The following LY6G6D variants were observed in gnomAD, a reference collection of about 807,000 sequenced individuals.
LY6G6D encodes the protein lymphocyte antigen 6 complex locus protein G6d.
Under a neutral mutation model 8.5 loss-of-function variants are expected in LY6G6D, and 5 were observed. That is an observed-to-expected ratio of 0.59 (90% CI 0.31 to 1.24). The LOEUF is 1.24. Ranked by LOEUF, LY6G6D falls within the 50% of genes most tolerant of loss-of-function variation. The probability of loss-of-function intolerance (pLI) is 0.07; values close to 1 mark genes in which losing one functional copy is unlikely to be tolerated. For synonymous variants in LY6G6D, 65 were observed against 69.6 expected (o/e 0.93, Z 0.33); for missense variants, 154 against 170.4 (o/e 0.90, Z 0.53).
In LY6G6D at chr6:31,717,123, G is replaced by T. The variant is rs191762699; in HGVS notation, c.179-458G>T. On this transcript the variant is annotated intron_variant, in intron 2 of 2. Coordinates refer to ENST00000375825, the MANE Select transcript of LY6G6D (RefSeq NM_021246.4). This position sits in a 1 kb window ranked among gnomAD's most constrained non-coding sequence, Gnocchi z 5.0. Reference sequence around the variant, plus strand: ...AAATTAGCCGGGTGTAGTGGTGCCCGCCTGTAATACCAGCTACTCGGGAAC... The same window carrying T: ...AAATTAGCCGGGTGTAGTGGTGCCCTCCTGTAATACCAGCTACTCGGGAAC... 1.3e-5 allele frequency among the ~76,000 whole-genome samples: 2 copies of T among 151,782 alleles called. No homozygotes were observed. Among genetic ancestry groups the T allele is most frequent in the African/African-American group, 2.4e-5 (1 of 41,366 alleles).
rs1460248502 is a variant in LY6G6D, at chr6:31,716,557, G to A, written c.178+933G>A. On this transcript the variant is annotated intron_variant, in intron 2 of 2. Transcript: ENST00000375825. This position sits in a 1 kb window ranked among gnomAD's most constrained non-coding sequence, Gnocchi z 5.1. ...GAGCCTGGGAGATTGAAGCTACAAT[G>A]AGCCATGATCACGCCACTACACTCC... is the stretch of plus-strand genomic sequence containing the variant. Among the ~76,000 whole-genome samples, 1 of 152,088 alleles carries A rather than the reference G, an allele frequency of 6.6e-6. No homozygotes were observed. Among genetic ancestry groups the A allele is most frequent in the Admixed American group, 6.6e-5 (1 of 15,260 alleles).
Position 31,717,607 on chromosome 6 carries a change from C to A in LY6G6D, c.205C>A (p.Pro69Thr). Reference protein sequence around the residue: ...NPPVTLIHQHPACVAAHHCNQ... With the variant: ...NPPVTLIHQHTACVAAHHCNQ... ...CCCAGTGACCTTGATTCACCAACAT[C>A]CAGCCTGCGTCGCAGCCCATCATTG... is the stretch of plus-strand genomic sequence containing the variant. Residue 69 changes from proline (P) to threonine (T), a missense_variant, in exon 3 of 3, where the codon CCA becomes ACA. By Grantham distance (38) the Pro-to-Thr change is conservative. Coordinates refer to ENST00000375825, the MANE Select transcript of LY6G6D (RefSeq NM_021246.4). This position sits in a 1 kb window ranked among gnomAD's most constrained non-coding sequence, Gnocchi z 5.0. 6.2e-7 allele frequency: 1 copy of A among 1,614,208 alleles called. No individual in the cohort carries two copies. The highest frequency in any genetic ancestry group is 8.5e-7 in the Non-Finnish European group (1 of 1,180,036).
In LY6G6D at chr6:31,717,742, G is replaced by T. The variant is rs1412949189; in HGVS notation, c.340G>T (p.Gly114Cys). 20 of 1,614,050 alleles carry T rather than the reference G, an allele frequency of 1.2e-5. No individual in the cohort carries two copies. The highest frequency in any genetic ancestry group is 1.6e-5 in the Non-Finnish European group (19 of 1,180,062). The change falls in exon 3 of 3, where the codon GGC (glycine) becomes TGC (cysteine). Residue 114 changes from glycine to cysteine, a missense_variant. Gly to Cys is a radical substitution (Grantham distance 159). Coordinates refer to ENST00000375825, the MANE Select transcript of LY6G6D (RefSeq NM_021246.4). The surrounding 1 kb of genome is among the most constrained non-coding windows in gnomAD (Gnocchi z 5.0). The stretch of plus-strand genomic sequence containing the variant: ...CGTGGCAAGCCATGTGGCCCCTGCA[G>T]GCATTTTGGCTGCAGCAGCTACCGC... ...SAVASHVAPA[G>C]ILAAAATALT...
intron 2 of LY6G6D, 96 bp downstream of exon 2, chr6:31,715,720 G>T: frequency 6.6e-7 from 1 of 1,525,940 alleles, no homozygotes. Flanking sequence ...GCTCAGTCTG[G>T]CTCTGGGCAG....
In LY6G6D at chr6:31,717,766, G is replaced by A. The variant is rs371269636; in HGVS notation, c.364G>A (p.Ala122Thr). The part of the protein sequence containing the change: ...PAGILAAAAT[A>T]LTCLLPGLWS... The stretch of plus-strand genomic sequence containing the variant: ...AGGCATTTTGGCTGCAGCAGCTACC[G>A]CCCTGACCTGTCTCTTGCCAGGACT... Residue 122 changes from alanine to threonine, a missense_variant, in exon 3 of 3, where the codon GCC becomes ACC. Coordinates refer to ENST00000375825, the MANE Select transcript of LY6G6D (RefSeq NM_021246.4). This position sits in a 1 kb window ranked among gnomAD's most constrained non-coding sequence, Gnocchi z 5.0. 1.3e-5 allele frequency: 21 copies of A among 1,613,724 alleles called. 1 individual carries two copies. The Admixed American group carries it at 1.3e-4, about 10-fold the overall frequency.
chr6:31,715,750 AG>A, intron 2 of LY6G6D, 126 bp downstream of exon 2: 2 of 1,420,880 alleles, frequency 1.4e-6, no homozygotes, highest in Non-Finnish European at 1.9e-6. Context: ...CTGTTAGAGG[AG>A]AGCAGTCTGT....
rs367701474 is a variant in LY6G6D, at chr6:31,717,717, C to A, written c.315C>A (p.Ala105=). The part of the protein sequence containing the change: ...DCYLGDLCNS[A]VASHVAPAGI... Reference sequence around the variant, plus strand: ...ACCTGGGAGACCTGTGCAACAGCGCCGTGGCAAGCCATGTGGCCCCTGCAG... The same window carrying A: ...ACCTGGGAGACCTGTGCAACAGCGCAGTGGCAAGCCATGTGGCCCCTGCAG... Residue 105 remains alanine (A), a synonymous_variant, in exon 3 of 3, where the codon GCC becomes GCA. Coordinates refer to ENST00000375825, the MANE Select transcript of LY6G6D (RefSeq NM_021246.4). This position sits in a 1 kb window ranked among gnomAD's most constrained non-coding sequence, Gnocchi z 5.0. The A allele has an allele frequency of 3.1e-6, 5 of 1,614,198 alleles. No individual in the cohort carries two copies. Among genetic ancestry groups the A allele is most frequent in the South Asian group, 2.2e-5 (2 of 91,076 alleles).
chr6:31,717,893 A>G lies in LY6G6D; in HGVS notation c.*89A>G. 6.7e-7 allele frequency: 1 copy of G among 1,492,870 alleles called. No homozygotes were observed. The highest frequency in any genetic ancestry group is 8.9e-7 in the Non-Finnish European group (1 of 1,127,746). 92.5% of individuals were successfully genotyped at this position (1,492,870 alleles called of 1,614,324 possible). A position where few individuals can be genotyped will look rare whatever the true frequency, so the allele number is the denominator to read the frequency against. On this transcript the variant is annotated 3_prime_UTR_variant, in exon 3 of 3. Transcript: ENST00000375825. The surrounding 1 kb of genome is among the most constrained non-coding windows in gnomAD (Gnocchi z 5.0). ...GTGAGAAGAGAAACATCCTTCTGTG[A>G]GTCATTAAAATCTATGAACCACTCT...
At position 31,715,527 on chromosome 6, in the gene LY6G6D, T is replaced by C. The variant is rs1806360389; in HGVS notation, c.81T>C (p.Cys27=). ...ALGNRMRCYN[C]GGSPSSSCKE... ...GAAACCGAATGCGGTGCTACAACTGTGGTGGAAGCCCCAGCAGTTCTTGCA... is the reference window on the plus strand; with the variant it reads ...GAAACCGAATGCGGTGCTACAACTGCGGTGGAAGCCCCAGCAGTTCTTGCA... Residue 27 remains cysteine (C), a synonymous_variant, in exon 2 of 3, where the codon TGT becomes TGC. Coordinates refer to ENST00000375825, the MANE Select transcript of LY6G6D (RefSeq NM_021246.4). 5.0e-6 allele frequency: 8 copies of C among 1,612,928 alleles called. No homozygotes were observed. The highest frequency in any genetic ancestry group is 6.8e-6 in the Non-Finnish European group (8 of 1,179,972).
rs373933681 is a variant in LY6G6D, at chr6:31,716,500, C to T, written c.178+876C>T. On this transcript the variant is annotated intron_variant, in intron 2 of 2. Coordinates refer to ENST00000375825, the MANE Select transcript of LY6G6D (RefSeq NM_021246.4). This position sits in a 1 kb window ranked among gnomAD's most constrained non-coding sequence, Gnocchi z 5.1. ...TGGTGGCACATGCTTGTAGTCCTAG[C>T]TACTCAGGGGGCTGAAGAGGGAGGA... is the stretch of plus-strand genomic sequence containing the variant. Among the ~76,000 whole-genome samples the T allele has an allele frequency of 6.6e-6, 1 of 152,092 alleles. No individual in the cohort carries two copies. Among genetic ancestry groups the T allele is most frequent in the East Asian group, 1.9e-4 (1 of 5,196 alleles).
In LY6G6D at chr6:31,715,420, C is replaced by T. The variant is rs766131830; in HGVS notation, c.55+10C>T. ...CTAGGGGCTGCCTTGGGTAAGGAGG[C>T]GGCCAGCTAGCTTCTCACACAGGCC... On this transcript the variant is annotated intron_variant, in intron 1 of 2. Transcript: ENST00000375825. 2.5e-6 allele frequency: 4 copies of T among 1,604,796 alleles called. No homozygotes were observed. Among genetic ancestry groups the T allele is most frequent in the Non-Finnish European group, 3.4e-6 (4 of 1,174,360 alleles).
chr6:31,717,845 C>T lies in LY6G6D; in HGVS notation c.*41C>T, dbSNP rs777567767. On this transcript the variant is annotated 3_prime_UTR_variant, in exon 3 of 3. Coordinates refer to ENST00000375825, the MANE Select transcript of LY6G6D (RefSeq NM_021246.4). The surrounding 1 kb of genome is among the most constrained non-coding windows in gnomAD (Gnocchi z 5.0). ...AGAAGGGAACAAGGGAGCAAGGGAA[C>T]AAGGGACATCTGAACATCTAATGTG... 6.4e-7 allele frequency: 1 copy of T among 1,571,184 alleles called. No individual in the cohort carries two copies. Among genetic ancestry groups the T allele is most frequent in the Non-Finnish European group, 8.6e-7 (1 of 1,162,010 alleles).
At chr6:31,715,432 T>G (rs754610962) in intron 1 of LY6G6D, 22 bp downstream of exon 1, 2 of 1,605,318 alleles carry the variant, frequency 1.2e-6, no homozygotes, top group African/African-American at 2.7e-5. Context: ...GCCAGCTAGC[T>G]TCTCACACAG....
Position 31,715,677 on chromosome 6 carries a change from A to G in LY6G6D, c.178+53A>G, listed in dbSNP as rs2151289008. The G allele has an allele frequency of 4.4e-6, 7 of 1,596,406 alleles. No homozygotes were observed. In the East Asian group the frequency reaches 1.1e-4, roughly 26 times the overall value. ...GCAGCCTTTCCCTGCCTCCAGCCCC[A>G]TGTCAATCCTTCTGGCTTCCAGAAC... On this transcript the variant is annotated intron_variant, in intron 2 of 2. Transcript: ENST00000375825.
At position 31,717,391 on chromosome 6, in the gene LY6G6D, C is replaced by A; in HGVS notation, c.179-190C>A. On this transcript the variant is annotated intron_variant, in intron 2 of 2. Transcript: ENST00000375825. The surrounding 1 kb of genome is among the most constrained non-coding windows in gnomAD (Gnocchi z 5.0). Reference sequence around the variant, plus strand: ...CAAGAATACTGCAGAAGTGATGTTGCATCCTTCTTGCTGCATCACATCAGG... The same window carrying A: ...CAAGAATACTGCAGAAGTGATGTTGAATCCTTCTTGCTGCATCACATCAGG... 1 of 1,417,706 alleles carries A rather than the reference C, an allele frequency of 7.1e-7. No homozygotes were observed. The highest frequency in any genetic ancestry group is 9.6e-7 in the Non-Finnish European group (1 of 1,043,814). 87.8% of individuals were successfully genotyped at this position (1,417,706 alleles called of 1,614,324 possible). A position where few individuals can be genotyped will look rare whatever the true frequency, so the allele number is the denominator to read the frequency against.
At position 31,716,967 on chromosome 6, in the gene LY6G6D, C is replaced by T. The variant is rs921028951; in HGVS notation, c.179-614C>T. 1.3e-5 allele frequency among the ~76,000 whole-genome samples: 2 copies of T among 150,770 alleles called. No individual in the cohort carries two copies. The highest frequency in any genetic ancestry group is 1.3e-4 in the Admixed American group (2 of 15,164). On this transcript the variant is annotated intron_variant, in intron 2 of 2. Transcript: ENST00000375825. This position sits in a 1 kb window ranked among gnomAD's most constrained non-coding sequence, Gnocchi z 5.1. ...TCATTTTTAGATTAAACAAAAATTA[C>T]GTGCCGGATGCAGTGGCTCACGCCT...
rs1312253505 is a variant in LY6G6D at position 31,717,226 on chromosome 6, G to GCAATAAGA, written c.179-354_179-347dup. ...GATCACACCATTGCACTCCAGCTGG[G>GCAATAAGA]CAATAAGAGTGAAACTCCGTCTCAA... On this transcript the variant is annotated intron_variant, in intron 2 of 2. Transcript: ENST00000375825. This position sits in a 1 kb window ranked among gnomAD's most constrained non-coding sequence, Gnocchi z 5.0. Among the ~76,000 whole-genome samples the GCAATAAGA allele has an allele frequency of 6.7e-6, 1 of 149,314 alleles. No individual in the cohort carries two copies. Among genetic ancestry groups the GCAATAAGA allele is most frequent in the Non-Finnish European group, 1.5e-5 (1 of 67,704 alleles).
chr6:31,716,819 T>A lies in LY6G6D; in HGVS notation c.179-762T>A, dbSNP rs898305586. ...GCACACACCTGTAATCTCAGTTTCC[T>A]GAGAGGCTGAGGCAGGAGGATTACT... On this transcript the variant is annotated intron_variant, in intron 2 of 2. Transcript: ENST00000375825. The surrounding 1 kb of genome is among the most constrained non-coding windows in gnomAD (Gnocchi z 5.1). Among the ~76,000 whole-genome samples, 1 of 151,942 alleles carries A rather than the reference T, an allele frequency of 6.6e-6. No individual in the cohort carries two copies. Among genetic ancestry groups the A allele is most frequent in the African/African-American group, 2.4e-5 (1 of 41,330 alleles).
Position 31,717,868 on chromosome 6 carries a change from G to A in LY6G6D, c.*64G>A. 6.5e-7 allele frequency: 1 copy of A among 1,540,112 alleles called. No individual in the cohort carries two copies. The highest frequency in any genetic ancestry group is 1.2e-5 in the South Asian group (1 of 81,556). ...AACAAGGGACATCTGAACATCTAATGTGAGAAGAGAAACATCCTTCTGTGA... is the reference window on the plus strand; with the variant it reads ...AACAAGGGACATCTGAACATCTAATATGAGAAGAGAAACATCCTTCTGTGA... On this transcript the variant is annotated 3_prime_UTR_variant, in exon 3 of 3. Transcript: ENST00000375825. This position sits in a 1 kb window ranked among gnomAD's most constrained non-coding sequence, Gnocchi z 5.0.
Sources: allele counts gnomAD v4.1 joint callset (sites outside exome capture counted in the v4.1 genomes callset), GRCh38; gene constraint gnomAD v4.1.1; non-coding constraint Gnocchi (gnomAD v3.1); transcripts MANE v1.5; gene names NCBI Gene and HGNC (gene_info 2026-07-23, HGNC 2026-07-21).